The following COL22A1 variants were observed in gnomAD, a reference collection of about 807,000 sequenced individuals.
The protein encoded by COL22A1 is collagen type XXII alpha 1 chain.
In COL22A1, 221 loss-of-function variants were observed where a neutral mutation model predicts 248.9. The observed-to-expected ratio is 0.89, with a 90% CI of 0.80 to 0.99. The LOEUF is 0.99. Ranked by LOEUF, COL22A1 falls within the 50% of genes least tolerant of loss-of-function variation. The pLI is 0.00. For synonymous variants in COL22A1, 891 were observed against 793.4 expected, an observed-to-expected ratio of 1.12 and a Z score of -2.07; for missense variants, 2,240 against 2,179.0, an observed-to-expected ratio of 1.03 and a Z score of -0.56.
chr8:138,753,225 T>G (rs1333807256), intron 21 of COL22A1, among the ~76,000 whole-genome samples: 1 of 152,232 alleles, frequency 6.6e-6, no homozygotes, highest in Non-Finnish European at 1.5e-5. Context: ...GCCGCAGGGC[T>G]AGCTCTACAA....
At chr8:138,881,793 A>T (rs1305867833) in intron 2 of COL22A1, among the ~76,000 whole-genome samples, 1 of 152,186 alleles carries the variant, frequency 6.6e-6, no homozygotes, top group African/African-American at 2.4e-5. Context: ...CAGTATATGG[A>T]CATCCCACCT....
At chr8:138,855,749 C>T (rs1177650808) in intron 3 of COL22A1, among the ~76,000 whole-genome samples, 1 of 152,242 alleles carries the variant, frequency 6.6e-6, no homozygotes, top group Non-Finnish European at 1.5e-5. Context: ...GATTAGGGCT[C>T]CATGAGCAAC....
At chr8:138,863,987 C>T (rs1822679316) in intron 3 of COL22A1, among the ~76,000 whole-genome samples, 1 of 152,092 alleles carries the variant, frequency 6.6e-6, no homozygotes, top group African/African-American at 2.4e-5. Flanking sequence ...CCATTTTGTT[C>T]CCCCTCCCCA....
intron 39 of COL22A1, among the ~76,000 whole-genome samples, chr8:138,683,074 G>A (rs926359183): frequency 2.6e-5 from 4 of 152,092 alleles, no homozygotes; most frequent in African/African-American, 4.8e-5. Flanking sequence ...CTGGGTTAGC[G>A]AGCCCCCTCT....
intron 6 of COL22A1, among the ~76,000 whole-genome samples, chr8:138,824,519 T>C (rs1269629485): frequency 6.6e-6 from 1 of 152,194 alleles, no homozygotes; most frequent in Non-Finnish European, 1.5e-5. Context: ...GAGTCTCTTC[T>C]CAAACAAAAA....
At chr8:138,878,962 T>C (rs1273440754) in intron 2 of COL22A1, among the ~76,000 whole-genome samples, 3 of 152,024 alleles carry the variant, frequency 2.0e-5, no homozygotes, top group Admixed American at 6.6e-5. Context: ...GAGCCGAGAT[T>C]GCACCACTGC....
intron 22 of COL22A1, among the ~76,000 whole-genome samples, chr8:138,741,914 T>G (rs938485941): frequency 6.6e-6 from 1 of 151,868 alleles, no homozygotes; most frequent in East Asian, 1.9e-4. Context: ...AGTGATGGAG[T>G]TGATGGTGAT....
intron 43 of COL22A1, among the ~76,000 whole-genome samples, chr8:138,661,553 C>A (rs1466216766): frequency 6.6e-6 from 1 of 152,150 alleles, no homozygotes; most frequent in African/African-American, 2.4e-5. Context: ...GATGGCTGAG[C>A]AAAGGCCAAA....
chr8:138,656,565 C>T (rs975461314), intron 44 of COL22A1, among the ~76,000 whole-genome samples: 5 of 152,078 alleles, frequency 3.3e-5, no homozygotes, highest in South Asian at 2.1e-4. Context: ...GTTGGAGCTA[C>T]GATTGTGGCT....
intron 56 of COL22A1, 28 bp downstream of exon 56, chr8:138,613,839 A>C: frequency 6.2e-7 from 1 of 1,600,358 alleles, no homozygotes; most frequent in Non-Finnish European, 8.6e-7. Context: ...AATAACATGA[A>C]GCACATTAGT....
chr8:138,738,544 C>T (rs1194784045), intron 22 of COL22A1, among the ~76,000 whole-genome samples: 1 of 151,984 alleles, frequency 6.6e-6, no homozygotes, highest in Non-Finnish European at 1.5e-5. Flanking sequence ...CTAGTTCTTC[C>T]CACCTGATCC....
intron 27 of COL22A1, among the ~76,000 whole-genome samples, chr8:138,719,604 G>A (rs1829713723): frequency 6.6e-6 from 1 of 152,196 alleles, no homozygotes; most frequent in Non-Finnish European, 1.5e-5. Flanking sequence ...TTATGAAAGA[G>A]TGAAACAATA....
chr8:138,664,207 GCGCACACACACACACACA>G (rs1466801322), intron 41 of COL22A1, among the ~76,000 whole-genome samples: 10 of 87,604 alleles, frequency 1.1e-4, no homozygotes, highest in South Asian at 4.7e-4. Context: ...GCGCGCGCGC[GCGCACACACACACACACA>G]CACACACACA....
At chr8:138,682,273 A>G (rs1826024160) in intron 39 of COL22A1, among the ~76,000 whole-genome samples, 1 of 152,224 alleles carries the variant, frequency 6.6e-6, no homozygotes, top group Admixed American at 6.5e-5. Flanking sequence ...GGTGGAATGC[A>G]TAGTAATCAG....
At chr8:138,760,340 TG>T in intron 17 of COL22A1, 53 bp from the exon 18 acceptor site, 1 of 1,513,558 alleles carries the variant, frequency 6.6e-7, no homozygotes, top group South Asian at 1.2e-5. Flanking sequence ...GATACGGTGG[TG>T]GGGTGTTGGG....
chr8:138,842,754 G>A (rs1280314105), intron 4 of COL22A1, among the ~76,000 whole-genome samples: 2 of 152,224 alleles, frequency 1.3e-5, no homozygotes, highest in Admixed American at 6.5e-5. Context: ...TTAACAAAGT[G>A]AAGAAGATGA....
intron 11 of COL22A1, among the ~76,000 whole-genome samples, chr8:138,799,844 C>T (rs1816852432): frequency 6.6e-6 from 1 of 152,176 alleles, no homozygotes. Context: ...CTTTCTGATG[C>T]CAGGAGCAGT....
Position 138,811,878 on chromosome 8 carries a change from G to T in COL22A1, c.1370C>A (p.Pro457His). The T allele has an allele frequency of 6.3e-7, 1 of 1,580,970 alleles. No homozygotes were observed. Among genetic ancestry groups the T allele is most frequent in the Non-Finnish European group, 8.6e-7 (1 of 1,164,248 alleles). The change falls in exon 9 of 65, where the codon CCC (proline) becomes CAC (histidine). Residue 457 changes from proline (P) to histidine (H), a missense_variant. Coordinates refer to ENST00000303045, the MANE Select transcript of COL22A1 (RefSeq NM_152888.3). ...VVTEPPPPPP[P>H]QRPPTPGSEQ... ...ACTGCCTGGGGTGGGAGGCCGCTGGGGTGGGGGTGGAGGTGGAGGCTCTGT... is the reference window on the plus strand; with the variant it reads ...ACTGCCTGGGGTGGGAGGCCGCTGGTGTGGGGGTGGAGGTGGAGGCTCTGT...
intron 3 of COL22A1, among the ~76,000 whole-genome samples, chr8:138,872,543 GA>G (rs1322060721): frequency 6.6e-6 from 1 of 152,220 alleles, no homozygotes; most frequent in African/African-American, 2.4e-5. Flanking sequence ...ACAGTGACCC[GA>G]TAAGCTATAT....
Sources: allele counts gnomAD v4.1 joint callset (sites outside exome capture counted in the v4.1 genomes callset), GRCh38; gene constraint gnomAD v4.1.1; transcripts MANE v1.5; gene names NCBI Gene and HGNC (gene_info 2026-07-23, HGNC 2026-07-21).